Variants in RBFOX1 observed in about 807,000 individuals in gnomAD.
RBFOX1 encodes the protein RNA binding fox-1 homolog 1, also known as RNA binding protein fox-1 homolog 1.
A neutral mutation model predicts 57.7 loss-of-function variants in RBFOX1; 8 were observed. The ratio of observed to expected loss-of-function variants is 0.14; its 90% CI spans 0.08 to 0.25. The LOEUF is 0.25. RBFOX1 is among the 10% of genes least tolerant of loss of function. RBFOX1 has a pLI of 1.00. For synonymous variants in RBFOX1, 326 were observed against 222.4 expected (o/e 1.47, Z -4.15); for missense variants, 611 against 548.5 (o/e 1.11, Z -1.14).
rs2097691214 is a variant in RBFOX1, at chr16:6,590,222, T to C, written c.-63-64381T>C. On this transcript the variant is annotated intron_variant, in intron 2 of 15. Transcript: ENST00000550418. ...TTTAGAATTTCAAGAGCTATTACTT[T>C]TCTTTGATTCAGTTCGATTATCTTT... 1.3e-5 allele frequency among the ~76,000 whole-genome samples: 2 copies of C among 152,218 alleles called. 1 individual carries two copies. The highest frequency in any genetic ancestry group is 4.1e-4 in the South Asian group (2 of 4,828).
chr16:7,310,002 A>C (rs372268130), intron 4 of RBFOX1, among the ~76,000 whole-genome samples: 2 of 151,834 alleles, frequency 1.3e-5, no homozygotes, highest in African/African-American at 4.8e-5. Context: ...GCCCAAGAGA[A>C]CTCTGCCGGG....
intron 4 of RBFOX1, among the ~76,000 whole-genome samples, chr16:7,467,810 C>T (rs962053783): frequency 1.3e-5 from 2 of 152,208 alleles, no homozygotes; most frequent in African/African-American, 4.8e-5. Context: ...TGCCTGACTT[C>T]AGTCTTTACA....
At position 5,892,159 on chromosome 16, in the gene RBFOX1, A is replaced by T. The variant is rs141315874; in HGVS notation, c.351+24824A>T. 3.2e-3 allele frequency among the ~76,000 whole-genome samples: 482 copies of T among 152,318 alleles called. 4 individuals carry two copies. The highest frequency in any genetic ancestry group is 5.0e-3 in the Admixed American group (77 of 15,298). ...TGAAAGTTAATGCATGGAACGGTGC[A>T]GAGAAAAGAAAAAGCAGGACAGAGA... On this transcript the variant is annotated intron_variant, in intron 4 of 19. Transcript: ENST00000641259.
intron 3 of RBFOX1, among the ~76,000 whole-genome samples, chr16:6,728,410 G>C (rs909772807): frequency 8.5e-5 from 13 of 152,242 alleles, no homozygotes; most frequent in African/African-American, 2.9e-4. Context: ...TATTCCTTGA[G>C]CCCAGTTGTA....
intron 3 of RBFOX1, among the ~76,000 whole-genome samples, chr16:5,865,894 T>C (rs1302365352): frequency 2.6e-5 from 4 of 151,992 alleles, no homozygotes; most frequent in Non-Finnish European, 5.9e-5. Context: ...CTTTCCTGTG[T>C]GCAGGAGGAG....
intron 3 of RBFOX1, among the ~76,000 whole-genome samples, chr16:5,854,256 C>G (rs907897160): frequency 1.1e-4 from 17 of 152,204 alleles, no homozygotes; most frequent in African/African-American, 4.1e-4. Context: ...ATTGTCATCA[C>G]AAGACTGTGC....
intron 3 of RBFOX1, among the ~76,000 whole-genome samples, chr16:6,746,855 A>G (rs1172279387): frequency 2.0e-5 from 3 of 152,144 alleles, no homozygotes; most frequent in Non-Finnish European, 4.4e-5. Context: ...ATTAAGCATA[A>G]CAACTCAAAT....
intron 5 of RBFOX1, among the ~76,000 whole-genome samples, chr16:7,564,457 C>G (rs768151053): frequency 7.1e-6 from 1 of 140,274 alleles, no homozygotes; most frequent in African/African-American, 2.6e-5. Context: ...AGGGGAATTG[C>G]TTGATCCTGG....
chr16:7,118,984 G>C (rs1294356566), intron 4 of RBFOX1, among the ~76,000 whole-genome samples: 1 of 152,128 alleles, frequency 6.6e-6, no homozygotes, highest in Non-Finnish European at 1.5e-5. Flanking sequence ...GGATGTACTT[G>C]CTTAGTCAGT....
At chr16:7,606,119 T>A (rs2095275481) in intron 9 of RBFOX1, among the ~76,000 whole-genome samples, 2 of 44,186 alleles carry the variant, frequency 4.5e-5, no homozygotes, top group Admixed American at 6.8e-4. Context: ...CCTGCATGGA[T>A]TTTTTTTTTT....
chr16:7,578,724 G>A (rs2093521050), intron 5 of RBFOX1, among the ~76,000 whole-genome samples: 3 of 152,148 alleles, frequency 2.0e-5, no homozygotes, highest in Admixed American at 2.0e-4. Context: ...TTCAAAGTTG[G>A]TATCTGATGT....
chr16:5,305,718 G>A (rs919619165), intron 1 of RBFOX1, among the ~76,000 whole-genome samples: 1 of 152,128 alleles, frequency 6.6e-6, no homozygotes, highest in Non-Finnish European at 1.5e-5. Context: ...TCTGGGTGGT[G>A]GGCAGCCATT....
chr16:6,508,607 C>T (rs969367478), intron 2 of RBFOX1, among the ~76,000 whole-genome samples: 2 of 152,110 alleles, frequency 1.3e-5, no homozygotes, highest in Admixed American at 6.6e-5. Flanking sequence ...AAAGACGTTT[C>T]CTATTGCTGT....
intron 3 of RBFOX1, among the ~76,000 whole-genome samples, chr16:6,936,319 A>G (rs1449389067): frequency 6.6e-6 from 1 of 152,198 alleles, no homozygotes; most frequent in Non-Finnish European, 1.5e-5. Context: ...AATGCAAGAT[A>G]TTTGTTTTAA....
At chr16:5,851,201 G>T (rs2056889655) in intron 3 of RBFOX1, among the ~76,000 whole-genome samples, 1 of 152,164 alleles carries the variant, frequency 6.6e-6, no homozygotes. Flanking sequence ...TATTATCATG[G>T]TTGTACCTTG....
intron 1 of RBFOX1, among the ~76,000 whole-genome samples, chr16:6,129,179 A>C (rs2096611659): frequency 6.6e-6 from 1 of 152,216 alleles, no homozygotes; most frequent in Non-Finnish European, 1.5e-5. Flanking sequence ...AAAATAAAGC[A>C]AACAGAAACA....
At chr16:6,579,687 A>T (rs1264027528) in intron 2 of RBFOX1, among the ~76,000 whole-genome samples, 1 of 152,084 alleles carries the variant, frequency 6.6e-6, no homozygotes, top group East Asian at 1.9e-4. Context: ...TCTTTCCTTT[A>T]TAAACACTAA....
At chr16:5,248,448 C>G (rs2062358886) in intron 1 of RBFOX1, among the ~76,000 whole-genome samples, 1 of 152,200 alleles carries the variant, frequency 6.6e-6, no homozygotes, top group Non-Finnish European at 1.5e-5. Context: ...TGGGGGCAGC[C>G]TTTCCCCTTC....
rs369245453 is a variant in RBFOX1 at position 6,893,306 on chromosome 16, G to C, written c.-15-158751G>C. ...TCTTAGATTACTGGGAGTCGGGAAA[G>C]AAAGCCCCTAGAGATCAAACTCATA... is the stretch of plus-strand genomic sequence containing the variant. On this transcript the variant is annotated intron_variant, in intron 3 of 15. Coordinates refer to ENST00000550418, the MANE Select transcript of RBFOX1 (RefSeq NM_018723.4). Among the ~76,000 whole-genome samples the C allele has an allele frequency of 2.0e-3, 304 of 152,258 alleles. 1 individual carries two copies. The highest frequency in any genetic ancestry group is 6.8e-3 in the African/African-American group (281 of 41,562).
Sources: gnomAD v4.1 joint callset for allele counts (sites outside exome capture counted in the v4.1 genomes callset) on GRCh38, gnomAD v4.1.1 for gene constraint, MANE v1.5 for transcripts, NCBI Gene and HGNC (gene_info 2026-07-23, HGNC 2026-07-21) for gene names.